PRDM16: variants seen among roughly 807,000 people sequenced by gnomAD.
PRDM16 encodes PR/SET domain 16, also known as histone-lysine N-methyltransferase PRDM16.
In PRDM16, 23 loss-of-function variants were observed where a neutral mutation model predicts 110.6. The observed-to-expected ratio is 0.21, with a 90% confidence interval of 0.15 to 0.29. The LOEUF is 0.29. Ranked by LOEUF, PRDM16 falls within the 10% of genes least tolerant of loss-of-function variation. The pLI is 1.00. For missense variants in PRDM16, 1,615 were observed against 1,794.3 expected, an observed-to-expected ratio of 0.90 and a Z score of 1.81; for synonymous variants, 799 against 781.8, an observed-to-expected ratio of 1.02 and a Z score of -0.37.
Position 3,433,570 on chromosome 1 carries a change from T to C in PRDM16, c.3697-107T>C, listed in dbSNP as rs10752734. The C allele has an allele frequency of 0.51, 148,151 of 288,378 alleles. 42,037 individuals carry two copies. The highest frequency in any genetic ancestry group is 0.61 in the African/African-American group (10,576 of 17,228). 17.9% of individuals were successfully genotyped at this position (288,378 alleles called of 1,614,324 possible). A position where few individuals can be genotyped will look rare whatever the true frequency, so the allele number is the denominator to read the frequency against. On this transcript the variant is annotated intron_variant, in intron 16 of 16. Transcript: ENST00000270722. ...CTGCCCACGCGCTCACCTGCCTGTC[T>C]GGGATGGCCCGCCCTGCCCACGCGC...
At chr1:3,171,380 G>A (rs1210105080) in intron 1 of PRDM16, among the ~76,000 whole-genome samples, 2 of 152,204 alleles carry the variant, frequency 1.3e-5, no homozygotes, top group Non-Finnish European at 2.9e-5. Flanking sequence ...TTTTCTGAAC[G>A]AGCCCTGGCT....
At chr1:3,283,780 C>T (rs997203202) in intron 3 of PRDM16, among the ~76,000 whole-genome samples, 8 of 152,192 alleles carry the variant, frequency 5.3e-5, no homozygotes, top group Non-Finnish European at 7.3e-5. Context: ...GTATATTTCC[C>T]GCCTGCTTCC....
chr1:3,295,860 G>C (rs970037545), intron 3 of PRDM16, among the ~76,000 whole-genome samples: 8 of 152,158 alleles, frequency 5.3e-5, no homozygotes, highest in Admixed American at 2.6e-4. Flanking sequence ...GGCTGCCATG[G>C]GTCAAGCTGT....
At chr1:3,394,534 G>T (rs924595211) in intron 4 of PRDM16, 1 of 422,458 alleles carries the variant, frequency 2.4e-6, no homozygotes, top group Non-Finnish European at 4.8e-6. Context: ...TGGAGCCAAG[G>T]GGCGGGCGGC....
chr1:3,310,253 G>T (rs1412825911), intron 3 of PRDM16, among the ~76,000 whole-genome samples: 1 of 152,138 alleles, frequency 6.6e-6, no homozygotes, highest in Non-Finnish European at 1.5e-5. Context: ...CACCTGCCCG[G>T]CACACTCTGG....
At chr1:3,334,745 C>G (rs1022971954) in intron 3 of PRDM16, among the ~76,000 whole-genome samples, 1 of 152,220 alleles carries the variant, frequency 6.6e-6, no homozygotes, top group African/African-American at 2.4e-5. Context: ...TCAGCTCTGC[C>G]CATCAATCAT....
intron 3 of PRDM16, among the ~76,000 whole-genome samples, chr1:3,267,576 G>T (rs1280518657): frequency 6.6e-6 from 1 of 152,222 alleles, no homozygotes. Flanking sequence ...CCTCCAGACT[G>T]TTTACCACAG....
chr1:3,419,077 G>T (rs929121808), intron 12 of PRDM16, among the ~76,000 whole-genome samples: 1 of 152,236 alleles, frequency 6.6e-6, no homozygotes, highest in African/African-American at 2.4e-5. Context: ...AGGGCCCAGA[G>T]GGTCCACATG....
In PRDM16 at chr1:3,333,564, G is replaced by C. The variant is rs371851593; in HGVS notation, c.439-51588G>C. On this transcript the variant is annotated intron_variant, in intron 3 of 16. Coordinates refer to ENST00000270722, the MANE Select transcript of PRDM16 (RefSeq NM_022114.4). ...ATCTGCCCCTTTGATGAGCACAGAC[G>C]TCTCTCCTCCAAAAAGCCTTCCTCC... is the stretch of plus-strand genomic sequence containing the variant. 5.9e-5 allele frequency among the ~76,000 whole-genome samples: 9 copies of C among 152,282 alleles called. No individual in the cohort carries two copies. The East Asian group carries it at 1.7e-3, about 29-fold the overall frequency.
chr1:3,179,104 G>C lies in PRDM16; in HGVS notation c.38-7021G>C, dbSNP rs570740904. Among the ~76,000 whole-genome samples the C allele has an allele frequency of 4.6e-5, 7 of 152,348 alleles. 1 individual carries two copies. The South Asian group carries it at 1.5e-3, about 32-fold the overall frequency. On this transcript the variant is annotated intron_variant, in intron 1 of 16. Coordinates refer to ENST00000270722, the MANE Select transcript of PRDM16 (RefSeq NM_022114.4). ...GAGGAACTCAGACAAACCCCATCCA[G>C]GGCTCTCCCCGGTTTTGAAAGTGCC... is the stretch of plus-strand genomic sequence containing the variant.
intron 3 of PRDM16, among the ~76,000 whole-genome samples, chr1:3,294,497 G>C (rs1641043721): frequency 6.6e-6 from 1 of 152,092 alleles, no homozygotes; most frequent in Non-Finnish European, 1.5e-5. Flanking sequence ...GTAAACCCAT[G>C]GGTCAGTGTC....
At position 3,175,493 on chromosome 1, in the gene PRDM16, C is replaced by T. The variant is rs1239328146; in HGVS notation, c.38-10632C>T. Among the ~76,000 whole-genome samples, 7 of 152,182 alleles carry T rather than the reference C, an allele frequency of 4.6e-5. No individual in the cohort carries two copies. Among genetic ancestry groups the T allele is most frequent in the Non-Finnish European group, 8.8e-5 (6 of 68,032 alleles). On this transcript the variant is annotated intron_variant, in intron 1 of 16. Coordinates refer to ENST00000270722, the MANE Select transcript of PRDM16 (RefSeq NM_022114.4). The surrounding 1 kb of genome is among the most constrained non-coding windows in gnomAD (Gnocchi z 4.8). ...GGGGGCAGGATGGCCCTTCACTGCT[C>T]ATGGGGACTCATAGGCACCCAGTTG...
At chr1:3,116,501 G>A (rs1028396800) in intron 1 of PRDM16, among the ~76,000 whole-genome samples, 1 of 152,142 alleles carries the variant, frequency 6.6e-6, no homozygotes, top group African/African-American at 2.4e-5. Flanking sequence ...CGCAGGTCCT[G>A]GTCTGGGCTC....
intron 3 of PRDM16, among the ~76,000 whole-genome samples, chr1:3,281,643 G>T (rs1271075654): frequency 6.6e-6 from 1 of 152,060 alleles, no homozygotes; most frequent in Non-Finnish European, 1.5e-5. Flanking sequence ...CTGATGTTCT[G>T]TGATCAGGTT....
At chr1:3,426,327 A>G (rs1342565283) in intron 14 of PRDM16, 102 bp downstream of exon 14, 2 of 948,854 alleles carry the variant, frequency 2.1e-6, no homozygotes, top group East Asian at 5.2e-5. Context: ...CCAGCCCCTA[A>G]CACATCCAGA....
intron 2 of PRDM16, among the ~76,000 whole-genome samples, chr1:3,211,278 G>A (rs1185622488): frequency 6.6e-6 from 1 of 152,184 alleles, no homozygotes; most frequent in African/African-American, 2.4e-5. Flanking sequence ...TGGTCACAGC[G>A]TAGCCAATGC....
chr1:3,295,644 C>T (rs964401000), intron 3 of PRDM16, among the ~76,000 whole-genome samples: 1 of 152,302 alleles, frequency 6.6e-6, no homozygotes, highest in Non-Finnish European at 1.5e-5. Flanking sequence ...CAGACTTGAC[C>T]GCCAGGCTCT....
At chr1:3,401,378 ACT>A (rs1643465109) in intron 5 of PRDM16, among the ~76,000 whole-genome samples, 1 of 152,104 alleles carries the variant, frequency 6.6e-6, no homozygotes, top group Non-Finnish European at 1.5e-5. Context: ...GCTCATGAAG[ACT>A]CTGCTCAATG....
At position 3,207,506 on chromosome 1, in the gene PRDM16, G is replaced by A. The variant is rs557812502; in HGVS notation, c.387+21032G>A. 382 of 152,376 alleles carry A rather than the reference G, an allele frequency of 2.5e-3. 1 individual carries two copies. The highest frequency in any genetic ancestry group is 8.8e-3 in the African/African-American group (364 of 41,586). The allele number at this position is 152,376 out of a possible 1,614,324, so 9.4% of individuals were successfully genotyped here. A position where few individuals can be genotyped will look rare whatever the true frequency, so the allele number is the denominator to read the frequency against. The stretch of plus-strand genomic sequence containing the variant: ...TGCTCTTTGGAGCTGCCCACGTGGC[G>A]GCAGCAGCCAGAGGTCCCTTTGCCC... On this transcript the variant is annotated intron_variant, in intron 2 of 16. Transcript: ENST00000270722.
Sources: allele counts gnomAD v4.1 joint callset (sites outside exome capture counted in the v4.1 genomes callset), GRCh38; gene constraint gnomAD v4.1.1; non-coding constraint Gnocchi (gnomAD v3.1); transcripts MANE v1.5; gene names NCBI Gene and HGNC (gene_info 2026-07-23, HGNC 2026-07-21).